The following NREP variants were observed in gnomAD, a reference collection of about 807,000 sequenced individuals.
NREP encodes neuronal regeneration related protein.
Under a neutral mutation model 8.6 loss-of-function variants are expected in NREP, and 5 were observed. The observed-to-expected ratio is 0.58, with a 90% confidence interval of 0.30 to 1.22. The LOEUF (loss-of-function observed/expected upper bound fraction) is 1.22. NREP is among the 50% of genes most tolerant of loss of function. The probability of loss-of-function intolerance (pLI) is 0.07; values close to 1 mark genes in which losing one functional copy is unlikely to be tolerated. For synonymous variants in NREP, 27 were observed against 28.0 expected (o/e 0.96, Z 0.11); for missense variants, 86 against 82.5 (o/e 1.04, Z -0.17).
chr5:111,905,487 T>C (rs1466837237), intron 2 of NREP, among the ~76,000 whole-genome samples: 1 of 152,148 alleles, frequency 6.6e-6, no homozygotes, highest in Non-Finnish European at 1.5e-5. Context: ...AACATTCTTG[T>C]ATAAATAGCG....
chr5:111,801,234 G>A (rs746618492), intron 2 of NREP, among the ~76,000 whole-genome samples: 4 of 152,228 alleles, frequency 2.6e-5, no homozygotes, highest in Non-Finnish European at 5.9e-5. Context: ...AGGGAAGGAT[G>A]AGACTTCTTA....
chr5:111,776,563 C>T lies in NREP; in HGVS notation c.136-41056G>A, dbSNP rs1210876644. 3.9e-5 allele frequency among the ~76,000 whole-genome samples: 6 copies of T among 152,258 alleles called. No homozygotes were observed. The East Asian group carries it at 1.2e-3, about 29-fold the overall frequency. On this transcript the variant is annotated intron_variant, in intron 2 of 3. Coordinates refer to the NREP transcript ENST00000395634. ...AAATAGCCCTTAACTGGAAACATTC[C>T]ATATGTCCATCAACAAGAGAATGAA...
rs543696062 is a variant in NREP at position 111,780,781 on chromosome 5, C to T, written c.136-45274G>A. Among the ~76,000 whole-genome samples, 7 of 152,282 alleles carry T rather than the reference C, an allele frequency of 4.6e-5. 1 individual carries two copies. Among genetic ancestry groups the T allele is most frequent in the African/African-American group, 1.7e-4 (7 of 41,566 alleles). On this transcript the variant is annotated intron_variant, in intron 2 of 3. Coordinates refer to the NREP transcript ENST00000395634. ...TCACTATTGCTTTTTGCAGCAATTT[C>T]TACATTGCAAAGAAGGCCACGCCAA...
At chr5:111,810,506 A>T (rs1752246088) in intron 2 of NREP, among the ~76,000 whole-genome samples, 1 of 152,226 alleles carries the variant, frequency 6.6e-6, no homozygotes, top group Non-Finnish European at 1.5e-5. Flanking sequence ...TCACATATTC[A>T]ATTTGAGGTA....
chr5:111,904,260 G>A (rs561180032), intron 2 of NREP, among the ~76,000 whole-genome samples: 2 of 152,138 alleles, frequency 1.3e-5, no homozygotes, highest in Admixed American at 1.3e-4. Flanking sequence ...GTTTAACACT[G>A]TTTGATGTGT....
At chr5:111,920,344 C>T (rs1375246888) in intron 2 of NREP, among the ~76,000 whole-genome samples, 2 of 151,842 alleles carry the variant, frequency 1.3e-5, no homozygotes, top group Non-Finnish European at 2.9e-5. Context: ...GTAGAACCTG[C>T]AAATTTGTTA....
intron 2 of NREP, among the ~76,000 whole-genome samples, chr5:111,746,070 C>T (rs1749983302): frequency 6.6e-6 from 1 of 152,044 alleles, no homozygotes. Context: ...TTCATCTAAA[C>T]AACATAATAG....
intron 2 of NREP, among the ~76,000 whole-genome samples, chr5:111,818,522 A>G (rs1279032328): frequency 6.6e-6 from 1 of 152,164 alleles, no homozygotes; most frequent in Admixed American, 6.6e-5. Flanking sequence ...TCATTTGTAA[A>G]CTGAGATTAA....
intron 2 of NREP, among the ~76,000 whole-genome samples, chr5:111,867,263 C>G (rs1753689476): frequency 6.6e-6 from 1 of 152,144 alleles, no homozygotes; most frequent in Non-Finnish European, 1.5e-5. Flanking sequence ...TCTCATGGAT[C>G]TAAAGACTGG....
chr5:111,773,145 A>AT (rs919297627), intron 2 of NREP, among the ~76,000 whole-genome samples: 13 of 151,528 alleles, frequency 8.6e-5, no homozygotes, highest in East Asian at 1.9e-4. Flanking sequence ...TTTTTTTTAA[A>AT]TTTTTTTTTA....
chr5:111,824,084 G>A (rs1442909017), intron 2 of NREP, among the ~76,000 whole-genome samples: 1 of 152,152 alleles, frequency 6.6e-6, no homozygotes, highest in South Asian at 2.1e-4. Flanking sequence ...AAAGAAATAT[G>A]TTTTAGCCCG....
chr5:111,766,087 T>C (rs1561657911), intron 2 of NREP, among the ~76,000 whole-genome samples: 1 of 152,224 alleles, frequency 6.6e-6, no homozygotes, highest in Non-Finnish European at 1.5e-5. Context: ...CAGTTCCTTT[T>C]AAAACTGCAC....
intron 2 of NREP, among the ~76,000 whole-genome samples, chr5:111,970,742 C>T (rs1371829126): frequency 7.1e-6 from 1 of 140,734 alleles, no homozygotes; most frequent in African/African-American, 2.6e-5. Context: ...AGGAGAATCA[C>T]TTGAACCCAG....
At chr5:111,915,052 T>C (rs1404098989) in intron 2 of NREP, among the ~76,000 whole-genome samples, 1 of 152,126 alleles carries the variant, frequency 6.6e-6, no homozygotes, top group Non-Finnish European at 1.5e-5. Flanking sequence ...CCTTTGACTA[T>C]TTCTGTGTGT....
intron 2 of NREP, among the ~76,000 whole-genome samples, chr5:111,808,676 T>C (rs546762514): frequency 2.0e-5 from 3 of 152,362 alleles, no homozygotes; most frequent in South Asian, 4.1e-4. Flanking sequence ...TCAATTTCGA[T>C]AATATTCCAT....
intron 2 of NREP, among the ~76,000 whole-genome samples, chr5:111,787,299 A>G (rs1324446718): frequency 6.6e-6 from 1 of 152,210 alleles, no homozygotes; most frequent in East Asian, 1.9e-4. Context: ...TGAAAGAGAG[A>G]GAGAAATATT....
chr5:111,831,892 T>C (rs892029736), intron 2 of NREP, among the ~76,000 whole-genome samples: 1 of 152,172 alleles, frequency 6.6e-6, no homozygotes, highest in African/African-American at 2.4e-5. Flanking sequence ...TCTGGCCCTC[T>C]TGTGGGGTTG....
At chr5:111,777,399 A>T (rs997100058) in intron 2 of NREP, among the ~76,000 whole-genome samples, 1 of 151,676 alleles carries the variant, frequency 6.6e-6, no homozygotes, top group Non-Finnish European at 1.5e-5. Flanking sequence ...ATTTATTATG[A>T]GAATCTAACA....
chr5:111,961,912 G>C (rs142705895), intron 2 of NREP, among the ~76,000 whole-genome samples: 47 of 152,276 alleles, frequency 3.1e-4, no homozygotes, highest in Middle Eastern at 3.4e-3. Flanking sequence ...CAGAAGTATT[G>C]GGGAGAATGT....
Sources: gnomAD v4.1 joint callset for allele counts (sites outside exome capture counted in the v4.1 genomes callset) on GRCh38, gnomAD v4.1.1 for gene constraint, MANE v1.5 for transcripts, NCBI Gene and HGNC (gene_info 2026-07-23, HGNC 2026-07-21) for gene names.